Variants in RFTN2 observed in about 807,000 individuals in gnomAD.
RFTN2 encodes the protein raftlin-2.
RFTN2 carries 34 observed loss-of-function variants against 52.7 expected under a neutral mutation model. The ratio of observed to expected loss-of-function variants is 0.64; its 90% CI spans 0.49 to 0.86. RFTN2 has a LOEUF of 0.86. RFTN2 is among the 40% of genes least tolerant of loss of function. The pLI is 0.00. For missense variants in RFTN2, 536 were observed against 600.1 expected, an observed-to-expected ratio of 0.89 and a Z score of 1.12; for synonymous variants, 203 against 217.7, an observed-to-expected ratio of 0.93 and a Z score of 0.59.
In RFTN2 at chr2:197,605,326, T is replaced by C. The variant is rs569785568; in HGVS notation, c.1155-9257A>G. Among the ~76,000 whole-genome samples the C allele has an allele frequency of 3.6e-3, 539 of 151,172 alleles. 4 individuals are homozygous for C. Among genetic ancestry groups the C allele is most frequent in the Admixed American group, 5.2e-3 (79 of 15,202 alleles). ...CGCCTCCCGGGTTCACGCCATTCTC[T>C]TGCCTCAGCCTCCCAAGTAGCTGGG... On this transcript the variant is annotated intron_variant, in intron 7 of 8. Coordinates refer to ENST00000295049, the MANE Select transcript of RFTN2 (RefSeq NM_144629.3).
chr2:197,600,734 A>C (rs1402003720), intron 7 of RFTN2, among the ~76,000 whole-genome samples: 1 of 152,162 alleles, frequency 6.6e-6, no homozygotes. Flanking sequence ...CTTATTCCCT[A>C]CAAAAAGGTT....
intron 1 of RFTN2, among the ~76,000 whole-genome samples, chr2:197,661,700 T>A (rs1424810833): frequency 6.6e-6 from 1 of 152,156 alleles, no homozygotes; most frequent in Non-Finnish European, 1.5e-5. Flanking sequence ...TTTAGTTTTT[T>A]GAGAAATCTC....
chr2:197,643,999 C>T lies in RFTN2; in HGVS notation c.438+159G>A, dbSNP rs184308284. On this transcript the variant is annotated intron_variant, in intron 3 of 8. Coordinates refer to ENST00000295049, the MANE Select transcript of RFTN2 (RefSeq NM_144629.3). ...CACTGGCTTGTATTTCTGTTTTAAA[C>T]GCTTTACCATTTGGCACAAGTACTT... Among the ~76,000 whole-genome samples, 19 of 152,192 alleles carry T rather than the reference C, an allele frequency of 1.2e-4. 1 individual carries two copies. Among genetic ancestry groups the T allele is most frequent in the Admixed American group, 1.2e-3 (18 of 15,280 alleles).
intron 3 of RFTN2, 48 bp from the exon 4 acceptor site, chr2:197,634,045 A>G: frequency 2.7e-6 from 4 of 1,484,242 alleles, no homozygotes; most frequent in Non-Finnish European, 3.7e-6. Flanking sequence ...CTCTATTTTC[A>G]TTGATTACTT....
At chr2:197,594,098 C>T (rs2087759080) in intron 8 of RFTN2, among the ~76,000 whole-genome samples, 2 of 148,662 alleles carry the variant, frequency 1.3e-5, no homozygotes, top group South Asian at 4.3e-4. Context: ...TCACTACAAC[C>T]TCTACCTCCT....
chr2:197,648,359 A>G (rs995900289), intron 1 of RFTN2, among the ~76,000 whole-genome samples: 1 of 152,250 alleles, frequency 6.6e-6, no homozygotes, highest in African/African-American at 2.4e-5. Context: ...TATTTACAAT[A>G]TATCTTCTTC....
intron 8 of RFTN2, among the ~76,000 whole-genome samples, chr2:197,583,239 G>C (rs191447603): frequency 6.6e-6 from 1 of 152,170 alleles, no homozygotes; most frequent in Non-Finnish European, 1.5e-5. Context: ...CAAGCTCGGG[G>C]ATTAGCCCAT....
At chr2:197,623,582 G>A (rs2088303555) in intron 5 of RFTN2, among the ~76,000 whole-genome samples, 1 of 152,050 alleles carries the variant, frequency 6.6e-6, no homozygotes, top group Admixed American at 6.6e-5. Context: ...AGGTTCAACT[G>A]ATTCTTGTGC....
Position 197,652,535 on chromosome 2 carries a change from G to T in RFTN2, c.140-5869C>A, listed in dbSNP as rs536816453. Among the ~76,000 whole-genome samples, 476 of 152,250 alleles carry T rather than the reference G, an allele frequency of 3.1e-3. 2 individuals are homozygous for T. Among genetic ancestry groups the T allele is most frequent in the Non-Finnish European group, 5.6e-3 (379 of 68,022 alleles). ...TTCCTTTTCTTATGTATGTAAGAGAGATATATAATGAAATACTTATGTTTA... is the reference window on the plus strand; with the variant it reads ...TTCCTTTTCTTATGTATGTAAGAGATATATATAATGAAATACTTATGTTTA... On this transcript the variant is annotated intron_variant, in intron 1 of 8. Transcript: ENST00000295049.
chr2:197,575,800 A>T (rs1053891227), intron 8 of RFTN2, among the ~76,000 whole-genome samples: 1 of 137,550 alleles, frequency 7.3e-6, no homozygotes, highest in Non-Finnish European at 1.5e-5. Context: ...TATTATATAT[A>T]TTTTATATAC....
At chr2:197,584,001 C>T (rs1209022288) in intron 8 of RFTN2, among the ~76,000 whole-genome samples, 1 of 152,070 alleles carries the variant, frequency 6.6e-6, no homozygotes, top group African/African-American at 2.4e-5. Flanking sequence ...GTATATGTGC[C>T]ACATTTTCTT....
intron 7 of RFTN2, among the ~76,000 whole-genome samples, chr2:197,613,262 A>G (rs1288435703): frequency 6.6e-6 from 1 of 152,258 alleles, no homozygotes; most frequent in Non-Finnish European, 1.5e-5. Context: ...CTAATTCATT[A>G]GCTTAATATG....
chr2:197,583,624 CT>C (rs748512572), intron 8 of RFTN2, among the ~76,000 whole-genome samples: 2,268 of 139,398 alleles, frequency 0.016, 26 homozygotes, highest in African/African-American at 0.036. Context: ...GACAGTACTT[CT>C]TTTTTTTTTT....
intron 3 of RFTN2, among the ~76,000 whole-genome samples, chr2:197,638,118 T>C (rs201825774): frequency 0.17 from 24,734 of 144,562 alleles, 2,137 homozygotes; most frequent in Middle Eastern, 0.27. Flanking sequence ...TTGTTATAAT[T>C]TCTGTTCTTT....
At chr2:197,582,059 C>T (rs537163684) in intron 8 of RFTN2, among the ~76,000 whole-genome samples, 75 of 152,366 alleles carry the variant, frequency 4.9e-4, no homozygotes, top group Middle Eastern at 3.4e-3. Context: ...AGGACCGGGA[C>T]GGTGTCCTGT....
chr2:197,593,713 C>T (rs1164692480), intron 8 of RFTN2, among the ~76,000 whole-genome samples: 1 of 151,720 alleles, frequency 6.6e-6, no homozygotes, highest in Non-Finnish European at 1.5e-5. Flanking sequence ...AAGGTGAAAC[C>T]CCATCTCTAC....
chr2:197,585,014 G>A lies in RFTN2; in HGVS notation c.1233+10977C>T, dbSNP rs199612252. On this transcript the variant is annotated intron_variant, in intron 8 of 8. Coordinates refer to ENST00000295049, the MANE Select transcript of RFTN2 (RefSeq NM_144629.3). ...AGTCATCTATAGTACCCCAACTGCC[G>A]TCCACCTGCAGGATCCTCCCTACTG... 3.9e-4 allele frequency among the ~76,000 whole-genome samples: 60 copies of A among 152,188 alleles called. 1 individual carries two copies. In the East Asian group the frequency reaches 9.8e-3, roughly 25 times the overall value.
chr2:197,640,491 C>G (rs1386148789), intron 3 of RFTN2, among the ~76,000 whole-genome samples: 2 of 149,684 alleles, frequency 1.3e-5, no homozygotes, highest in Non-Finnish European at 3.0e-5. Context: ...GGGAGTGACC[C>G]GATTTTCCAG....
At chr2:197,655,138 G>A (rs1202098808) in intron 1 of RFTN2, among the ~76,000 whole-genome samples, 1 of 152,100 alleles carries the variant, frequency 6.6e-6, no homozygotes, top group Non-Finnish European at 1.5e-5. Flanking sequence ...TCATTCTGTT[G>A]TTTCAGAACA....
Sources: allele counts gnomAD v4.1 joint callset (sites outside exome capture counted in the v4.1 genomes callset), GRCh38; gene constraint gnomAD v4.1.1; transcripts MANE v1.5; gene names NCBI Gene and HGNC (gene_info 2026-07-23, HGNC 2026-07-21).